The following ESCO2 variants were observed in gnomAD, a reference collection of about 807,000 sequenced individuals.
ESCO2 encodes the protein establishment of sister chromatid cohesion N-acetyltransferase 2, also known as N-acetyltransferase ESCO2.
A neutral mutation model predicts 61.7 loss-of-function variants in ESCO2; 51 were observed. That is an observed-to-expected ratio of 0.83 (90% CI 0.66 to 1.04). The LOEUF (loss-of-function observed/expected upper bound fraction) is 1.04. Ranked by LOEUF, ESCO2 falls within the 50% of genes least tolerant of loss-of-function variation. The pLI is 0.00. For synonymous variants in ESCO2, 230 were observed against 238.2 expected (o/e 0.97, Z 0.32); for missense variants, 692 against 686.2 (o/e 1.01, Z -0.09).
chr8:27,772,583 G>C, upstream of ESCO2: 1 of 1,541,194 alleles, frequency 6.5e-7, no homozygotes, highest in East Asian at 2.5e-5. Flanking sequence ...GAGCAGCAGC[G>C]CTCAACTCAC....
At chr8:27,810,470 A>G (rs1805654811), downstream of ESCO2, 1 of 1,603,136 alleles carries the variant, frequency 6.2e-7, no homozygotes, top group African/African-American at 1.3e-5. Flanking sequence ...AGTATGCTTC[A>G]TCATCAAAAT....
chr8:27,818,117 T>TA, the ESCO2 span, among the ~76,000 whole-genome samples: 1 of 152,200 alleles, frequency 6.6e-6, no homozygotes, highest in African/African-American at 2.4e-5. Context: ...GTATAAGTCC[T>TA]AAAGGGAGAA....
intron 8 of ESCO2, 101 bp downstream of exon 8, chr8:27,792,153 G>T: frequency 9.4e-7 from 1 of 1,069,184 alleles, no homozygotes; most frequent in Non-Finnish European, 1.4e-6. Flanking sequence ...ATTCACTTGG[G>T]TACCTGCTTA....
At chr8:27,802,628 AAAAT>A (rs1350871274) in intron 10 of ESCO2, among the ~76,000 whole-genome samples, 2 of 60,390 alleles carry the variant, frequency 3.3e-5, no homozygotes, top group African/African-American at 7.4e-5. Flanking sequence ...AAAAAAAAAA[AAAAT>A]ATATATATAT....
chr8:27,772,178 A>C (rs186742311), upstream of ESCO2: 84 of 425,730 alleles, frequency 2.0e-4, no homozygotes, highest in Admixed American at 2.2e-3. Context: ...AGGTGGGAAG[A>C]AGACTTGGGA....
At chr8:27,787,355 CAGT>C (rs1563474417) in intron 5 of ESCO2, among the ~76,000 whole-genome samples, 1 of 150,918 alleles carries the variant, frequency 6.6e-6, no homozygotes, top group East Asian at 1.9e-4. Flanking sequence ...AAGAATTTCA[CAGT>C]AGTGAGATGC....
At chr8:27,811,838 A>G (rs1045806829), downstream of ESCO2, 3 of 152,214 alleles carry the variant, frequency 2.0e-5, no homozygotes, top group Admixed American at 6.5e-5. Flanking sequence ...TATAGTATTC[A>G]TTACAGAGGT....
intron 4 of ESCO2, among the ~76,000 whole-genome samples, chr8:27,780,666 G>A (rs1841314): frequency 0.85 from 129,674 of 152,190 alleles, 55,459 homozygotes; most frequent in East Asian, 1. Flanking sequence ...AGTTTTATAA[G>A]TGACACTGAA....
At chr8:27,777,347 C>T (rs887798689) in intron 3 of ESCO2, 178 bp downstream of exon 3, 7 of 575,440 alleles carry the variant, frequency 1.2e-5, no homozygotes, top group African/African-American at 1.9e-5. Flanking sequence ...TCTTTATGAC[C>T]CAGGCTGTAG....
At chr8:27,813,289 T>TG (rs200942136), downstream of ESCO2, among the ~76,000 whole-genome samples, 1,504 of 151,838 alleles carry the variant, frequency 9.9e-3, 19 homozygotes, top group African/African-American at 0.034. Context: ...GGACACAGGG[T>TG]GGGGAACATC....
chr8:27,776,651 G>A lies in ESCO2; in HGVS notation c.343G>A (p.Glu115Lys). 2 of 1,613,730 alleles carry A rather than the reference G, an allele frequency of 1.2e-6. No individual in the cohort carries two copies. The highest frequency in any genetic ancestry group is 1.1e-5 in the South Asian group (1 of 91,042). ...ATCTACTTGTCTAAAAACTAATGATGAAGATAAATCTTTTCCCATTGTGAC... is the reference window on the plus strand; with the variant it reads ...ATCTACTTGTCTAAAAACTAATGATAAAGATAAATCTTTTCCCATTGTGAC... The part of the protein sequence containing the change: ...SRSTCLKTND[E>K]DKSFPIVTEK... The change falls in exon 3 of 11, where the codon GAA (glutamate) becomes AAA (lysine). Residue 115 changes from glutamate to lysine, a missense_variant. Coordinates refer to ENST00000305188, the MANE Select transcript of ESCO2 (RefSeq NM_001017420.3).
chr8:27,816,343 C>CATATATATATATATATATATATATATA (rs1554559819), downstream of ESCO2, among the ~76,000 whole-genome samples: 2 of 136,308 alleles, frequency 1.5e-5, no homozygotes, highest in African/African-American at 5.9e-5. Flanking sequence ...TCATCGAATA[C>CATATATATATATATATATATATATATA]TATATATATA....
At chr8:27,788,147 C>T (rs1805090056) in intron 6 of ESCO2, 145 bp downstream of exon 6, 1 of 651,500 alleles carries the variant, frequency 1.5e-6, no homozygotes, top group Non-Finnish European at 2.8e-6. Context: ...TAGGTGGTGA[C>T]ATTGAATATT....
chr8:27,794,071 T>A (rs532364187), intron 9 of ESCO2, among the ~76,000 whole-genome samples: 43 of 152,368 alleles, frequency 2.8e-4, no homozygotes, highest in Non-Finnish European at 5.1e-4. Flanking sequence ...AATGTCAGGA[T>A]TTCCTTTTTA....
At chr8:27,789,054 C>A in intron 7 of ESCO2, 76 bp downstream of exon 7, 1 of 1,575,852 alleles carries the variant, frequency 6.3e-7, no homozygotes, top group Non-Finnish European at 8.7e-7. Context: ...CCACCTCTAC[C>A]ACCCAGCCGG....
At position 27,792,069 on chromosome 8, in the gene ESCO2, T is replaced by A. The variant is rs774357021; in HGVS notation, c.1353+17T>A. The A allele has an allele frequency of 1.2e-6, 2 of 1,613,152 alleles. No individual in the cohort carries two copies. Among genetic ancestry groups the A allele is most frequent in the East Asian group, 4.5e-5 (2 of 44,856 alleles). ...ATCAAAAAGGTATGGAACATTATCTTTTTATCTCTTGCCTTTCCCCACCCC... is the reference window on the plus strand; with the variant it reads ...ATCAAAAAGGTATGGAACATTATCTATTTATCTCTTGCCTTTCCCCACCCC... On this transcript the variant is annotated intron_variant, in intron 8 of 10. Transcript: ENST00000305188.
At position 27,804,511 on chromosome 8, in the gene ESCO2, T is replaced by G. The variant is rs1235961313; in HGVS notation, c.*1073T>G. 8 of 985,326 alleles carry G rather than the reference T, an allele frequency of 8.1e-6. No individual in the cohort carries two copies. The African/African-American group carries it at 1.2e-4, about 15-fold the overall frequency. 61.0% of individuals were successfully genotyped at this position (985,326 alleles called of 1,614,324 possible). A position where few individuals can be genotyped will look rare whatever the true frequency, so the allele number is the denominator to read the frequency against. ...GTGGATGAGAGACCATGGAACTGTG[T>G]AAATACACTTAAATGTTCACACATT... On this transcript the variant is annotated 3_prime_UTR_variant, in exon 11 of 11. Transcript: ENST00000305188.
chr8:27,783,024 G>A (rs900201462), intron 4 of ESCO2, among the ~76,000 whole-genome samples: 1 of 151,670 alleles, frequency 6.6e-6, no homozygotes, highest in African/African-American at 2.4e-5. Flanking sequence ...TTCATTCTTT[G>A]TGATTTTTAC....
intron 7 of ESCO2, among the ~76,000 whole-genome samples, chr8:27,789,781 C>CAA (rs905844657): frequency 0.015 from 826 of 56,492 alleles, 11 homozygotes; most frequent in African/African-American, 0.042. Context: ...AACTCCATCT[C>CAA]AAAAAAAAAA....
Sources: allele counts gnomAD v4.1 joint callset (sites outside exome capture counted in the v4.1 genomes callset), GRCh38; gene constraint gnomAD v4.1.1; transcripts MANE v1.5; gene names NCBI Gene and HGNC (gene_info 2026-07-23, HGNC 2026-07-21).